Variants in PPP1R12B observed in about 807,000 individuals in gnomAD.
PPP1R12B encodes myosin phosphatase target subunit 2.
A neutral mutation model predicts 126.1 loss-of-function variants in PPP1R12B; 76 were observed. That is an observed-to-expected ratio of 0.60 (90% CI 0.50 to 0.73). The LOEUF (loss-of-function observed/expected upper bound fraction) is 0.73, where lower values mean the gene tolerates loss of function less well. Among genes scored for constraint, PPP1R12B ranks in the 30% least tolerant of loss-of-function variants. The pLI is 0.00. For missense variants in PPP1R12B, 1,052 were observed against 1,205.1 expected, an observed-to-expected ratio of 0.87 and a Z score of 1.88; for synonymous variants, 356 against 434.7, an observed-to-expected ratio of 0.82 and a Z score of 2.25.
At chr1:202,461,619 A>G (rs896601337) in intron 13 of PPP1R12B, among the ~76,000 whole-genome samples, 12 of 152,152 alleles carry the variant, frequency 7.9e-5, no homozygotes, top group Admixed American at 7.9e-4. Context: ...TAAACCCTAC[A>G]TGCTATAGGG....
chr1:202,497,895 T>G (rs1341172652), intron 18 of PPP1R12B, among the ~76,000 whole-genome samples: 1 of 152,172 alleles, frequency 6.6e-6, no homozygotes, highest in Non-Finnish European at 1.5e-5. Context: ...TATAGGAAAG[T>G]TCCTTTGGGG....
chr1:202,456,962 G>A (rs1342694859), intron 13 of PPP1R12B, among the ~76,000 whole-genome samples: 2 of 152,212 alleles, frequency 1.3e-5, no homozygotes, highest in Admixed American at 1.3e-4. Context: ...CAAACTCATA[G>A]ATGCAGACTA....
chr1:202,416,405 A>C (rs1413099335), intron 1 of PPP1R12B, among the ~76,000 whole-genome samples: 2 of 152,026 alleles, frequency 1.3e-5, no homozygotes, highest in African/African-American at 4.8e-5. Context: ...ACATTCCTGT[A>C]ATCCCAGCTA....
At chr1:202,444,397 A>AC (rs1201706538) in intron 12 of PPP1R12B, among the ~76,000 whole-genome samples, 1 of 152,244 alleles carries the variant, frequency 6.6e-6, no homozygotes, top group Non-Finnish European at 1.5e-5. Context: ...TTCAATCAAA[A>AC]CAAATACAAG....
chr1:202,368,986 G>A (rs1400151407), intron 1 of PPP1R12B, among the ~76,000 whole-genome samples: 1 of 152,184 alleles, frequency 6.6e-6, no homozygotes, highest in African/African-American at 2.4e-5. Flanking sequence ...AAAAAGTATT[G>A]TGATTACAGG....
At chr1:202,554,267 T>C (rs180924628) in intron 18 of PPP1R12B, among the ~76,000 whole-genome samples, 6 of 152,336 alleles carry the variant, frequency 3.9e-5, no homozygotes, top group African/African-American at 1.4e-4. Context: ...TTAAACCCTA[T>C]ATACTTTTAA....
intron 1 of PPP1R12B, among the ~76,000 whole-genome samples, chr1:202,398,979 A>T (rs1343061355): frequency 6.6e-6 from 1 of 152,012 alleles, no homozygotes; most frequent in Admixed American, 6.6e-5. Flanking sequence ...TCACTACTAA[A>T]CATATATATA....
At chr1:202,459,572 CTCTTTA>C (rs1365454969) in intron 13 of PPP1R12B, among the ~76,000 whole-genome samples, 2 of 152,132 alleles carry the variant, frequency 1.3e-5, no homozygotes, top group African/African-American at 4.8e-5. Flanking sequence ...TGAATGTATT[CTCTTTA>C]TAAGATGGAA....
At chr1:202,498,007 A>G (rs1385157600) in intron 18 of PPP1R12B, among the ~76,000 whole-genome samples, 2 of 152,250 alleles carry the variant, frequency 1.3e-5, no homozygotes, top group African/African-American at 4.8e-5. Flanking sequence ...ACAGAATTAC[A>G]TAGGCCATTT....
At chr1:202,546,715 G>A (rs1685686127) in intron 18 of PPP1R12B, among the ~76,000 whole-genome samples, 1 of 152,130 alleles carries the variant, frequency 6.6e-6, no homozygotes, top group African/African-American at 2.4e-5. Flanking sequence ...GAGGTACTTT[G>A]GGACATTCAG....
chr1:202,374,272 A>C (rs1361763238), intron 1 of PPP1R12B, among the ~76,000 whole-genome samples: 1 of 152,162 alleles, frequency 6.6e-6, no homozygotes, highest in Admixed American at 6.5e-5. Flanking sequence ...ATTATGCCAG[A>C]AACCTAGGTA....
intron 18 of PPP1R12B, among the ~76,000 whole-genome samples, chr1:202,544,718 A>G (rs181638001): frequency 1.3e-5 from 2 of 152,380 alleles, no homozygotes; most frequent in African/African-American, 4.8e-5. Flanking sequence ...ATTTAAAAAA[A>G]TGACAAAAAC....
chr1:202,507,430 A>G (rs1680931469), intron 18 of PPP1R12B, among the ~76,000 whole-genome samples: 1 of 151,988 alleles, frequency 6.6e-6, no homozygotes, highest in African/African-American at 2.4e-5. Flanking sequence ...TTATTTCAGG[A>G]TAGTAAGGGG....
At chr1:202,422,771 A>T (rs1446946764) in intron 3 of PPP1R12B, 33 bp downstream of exon 3, 1 of 1,612,088 alleles carries the variant, frequency 6.2e-7, no homozygotes, top group Non-Finnish European at 8.5e-7. Flanking sequence ...GCCAGGAAAG[A>T]TTCTCAAACA....
chr1:202,451,626 C>G (rs754242052), intron 13 of PPP1R12B, among the ~76,000 whole-genome samples: 3 of 152,134 alleles, frequency 2.0e-5, no homozygotes, highest in Non-Finnish European at 4.4e-5. Context: ...CACCTTTCCC[C>G]CTTTTCTATT....
intron 13 of PPP1R12B, among the ~76,000 whole-genome samples, chr1:202,464,055 A>T: frequency 6.6e-6 from 1 of 152,154 alleles, no homozygotes; most frequent in East Asian, 1.9e-4. Context: ...ACAAAATTGT[A>T]TTCATACTGT....
chr1:202,493,662 T>C (rs887232525), intron 15 of PPP1R12B, among the ~76,000 whole-genome samples: 4 of 152,254 alleles, frequency 2.6e-5, no homozygotes, highest in Admixed American at 6.5e-5. Context: ...CTATTTTAAG[T>C]ACTTCTTGTG....
At chr1:202,541,486 C>T (rs1186430962) in intron 18 of PPP1R12B, among the ~76,000 whole-genome samples, 1 of 151,830 alleles carries the variant, frequency 6.6e-6, no homozygotes, top group Non-Finnish European at 1.5e-5. Flanking sequence ...CCTTTTTTTC[C>T]CAAGGAGCCA....
intron 18 of PPP1R12B, among the ~76,000 whole-genome samples, chr1:202,549,828 T>A (rs374302600): frequency 2.0e-5 from 3 of 152,280 alleles, no homozygotes; most frequent in East Asian, 3.9e-4. Flanking sequence ...GTCGATTTTA[T>A]TCCTGTAAGT....
Sources: allele counts gnomAD v4.1 joint callset (sites outside exome capture counted in the v4.1 genomes callset), GRCh38; gene constraint gnomAD v4.1.1; transcripts MANE v1.5; gene names NCBI Gene and HGNC (gene_info 2026-07-23, HGNC 2026-07-21).